The following CRB2 variants were observed in gnomAD, a reference collection of about 807,000 sequenced individuals.
CRB2 encodes the protein protein crumbs homolog 2.
CRB2 carries 85 observed loss-of-function variants against 110.9 expected under a neutral mutation model. The observed-to-expected ratio is 0.77, with a 90% CI of 0.64 to 0.92. The LOEUF (loss-of-function observed/expected upper bound fraction) is 0.92. Ranked by LOEUF, CRB2 falls within the 40% of genes least tolerant of loss-of-function variation. The pLI is 0.00. For synonymous variants in CRB2, 907 were observed against 831.0 expected (o/e 1.09, Z -1.57); for missense variants, 1,843 against 1,851.3 (o/e 1.00, Z 0.08).
chr9:123,355,797 T>C, upstream of CRB2, among the ~76,000 whole-genome samples: 1 of 148,102 alleles, frequency 6.8e-6, no homozygotes, highest in Admixed American at 6.7e-5. Flanking sequence ...GCGACTGGAC[T>C]CGAAGGCCTG....
chr9:123,378,549 G>C lies in CRB2; in HGVS notation c.*1487G>C, dbSNP rs2042141637. ...CAGACGCTGGGATAGAGAGGGCCCT[G>C]AACACCAGGCTCAGGGGCTTGCTTG... On this transcript the variant is annotated 3_prime_UTR_variant, in exon 13 of 13. Coordinates refer to ENST00000373631, the MANE Select transcript of CRB2 (RefSeq NM_173689.7). The C allele has an allele frequency of 6.6e-6, 1 of 152,282 alleles. No homozygotes were observed. Among genetic ancestry groups the C allele is most frequent in the Non-Finnish European group, 1.5e-5 (1 of 68,086 alleles). 9.4% of individuals were successfully genotyped at this position (152,282 alleles called of 1,614,324 possible).
chr9:123,366,944 C>CAAAA (rs3050063), intron 4 of CRB2, among the ~76,000 whole-genome samples: 1 of 133,974 alleles, frequency 7.5e-6, no homozygotes, highest in African/African-American at 2.8e-5. Flanking sequence ...GATTCTATCT[C>CAAAA]AAAAAAAAAA....
intron 2 of CRB2, among the ~76,000 whole-genome samples, chr9:123,364,823 T>C (rs984331567): frequency 2.0e-5 from 3 of 152,188 alleles, no homozygotes; most frequent in African/African-American, 7.2e-5. Flanking sequence ...GCTGTCGTGA[T>C]TCGCCCAGGA....
At position 123,375,771 on chromosome 9, in the gene CRB2, C is replaced by T. The variant is rs138417566; in HGVS notation, c.3633+428C>T. On this transcript the variant is annotated intron_variant, in intron 12 of 12. Transcript: ENST00000373631. ...CGGAGGGGCAGGGGGCCTGGGAGTC[C>T]GCACTGGAGCAGGCTCGGCCCGCTG... Among the ~76,000 whole-genome samples the T allele has an allele frequency of 1.7e-3, 262 of 151,590 alleles. 2 individuals carry two copies. The highest frequency in any genetic ancestry group is 5.6e-3 in the African/African-American group (231 of 41,304).
At position 123,377,021 on chromosome 9, in the gene CRB2, GAC is replaced by G. The variant is rs1311131247; in HGVS notation, c.3819_3820del (p.Asp1273GlufsTer76). On this transcript the variant is annotated frameshift_variant, in exon 13 of 13. Transcript: ENST00000373631. LOFTEE classifies it high-confidence loss of function. ...GGTGGCTGGGGCCCGGCTGGAGATG[GAC>G]AGTGTCCTCAAGGTGCCACCGGAGG... ...QEVAGARLEMDSVLKVPPEER... is the reference protein window; with the variant it reads ...QEVAGARLEMXSVLKVPPEER... 1.2e-6 allele frequency: 2 copies of G among 1,606,682 alleles called. No homozygotes were observed.
intron 8 of CRB2, 135 bp from the exon 9 acceptor site, chr9:123,372,042 G>A (rs528718156): frequency 1.1e-5 from 10 of 879,636 alleles, no homozygotes; most frequent in Admixed American, 1.0e-4. Context: ...GGATCTTAGC[G>A]ACTTCCTCTC....
At chr9:123,364,806 C>A (rs923639475) in intron 2 of CRB2, among the ~76,000 whole-genome samples, 1 of 152,176 alleles carries the variant, frequency 6.6e-6, no homozygotes, top group Non-Finnish European at 1.5e-5. Flanking sequence ...CCTGGGAGAG[C>A]CACTCAGCTG....
chr9:123,377,750 T>C lies in CRB2; in HGVS notation c.*688T>C, dbSNP rs767059849. The C allele has an allele frequency of 2.6e-5, 4 of 152,234 alleles. No homozygotes were observed. The highest frequency in any genetic ancestry group is 5.9e-5 in the Non-Finnish European group (4 of 68,070). 9.4% of individuals were successfully genotyped at this position (152,234 alleles called of 1,614,324 possible). ...GTCTGCCAGAAGCCAGAGCCAGTCA[T>C]GCGAGGGAACCACAGACCCACCCGC... On this transcript the variant is annotated 3_prime_UTR_variant, in exon 13 of 13. Transcript: ENST00000373631.
At chr9:123,359,452 T>TTTTTTTTTTTTTTTTTTTTTTTTTTG (rs1564367962) in intron 1 of CRB2, among the ~76,000 whole-genome samples, 1 of 132,566 alleles carries the variant, frequency 7.5e-6, no homozygotes, top group Non-Finnish European at 1.6e-5. Context: ...TTTTTTTTTT[T>TTTTTTTTTTTTTTTTTTTTTTTTTTG]TTTTTTTTTT....
rs762579858 is a variant in CRB2, at chr9:123,367,180, G to A, written c.763G>A (p.Gly255Ser). 1.4e-5 allele frequency: 22 copies of A among 1,591,434 alleles called. No homozygotes were observed. The highest frequency in any genetic ancestry group is 1.8e-5 in the Non-Finnish European group (21 of 1,174,288). Residue 255 changes from glycine to serine, a missense_variant, in exon 5 of 13, where the codon GGC becomes AGC. Transcript: ENST00000373631. The stretch of plus-strand genomic sequence containing the variant: ...CGTGTGTGTGCCCCCAGGCTACAGC[G>A]GCGAGCTGTGCGAGGTGGACGAGGA... ...FRCLCWPGYS[G>S]ELCEVDEDEC...
chr9:123,368,743 A>G, intron 6 of CRB2: 2 of 1,107,372 alleles, frequency 1.8e-6, no homozygotes, highest in Non-Finnish European at 2.2e-6. Context: ...CCCTCCCTTT[A>G]GGCCATGCTG....
chr9:123,366,194 G>T (rs769285572), intron 3 of CRB2, 33 bp from the exon 4 acceptor site: 1 of 1,390,758 alleles, frequency 7.2e-7, no homozygotes, highest in South Asian at 1.6e-5. Context: ...AGGGGCAGGC[G>T]CGCGCTCAGC....
chr9:123,360,320 G>T (rs113844109), intron 1 of CRB2, among the ~76,000 whole-genome samples: 1 of 152,088 alleles, frequency 6.6e-6, no homozygotes, highest in East Asian at 1.9e-4. Context: ...CTGCCAGGTC[G>T]GCCCAGGCAG....
At position 123,372,259 on chromosome 9, in the gene CRB2, C is replaced by T; in HGVS notation, c.2519C>T (p.Pro840Leu). 6.2e-7 allele frequency: 1 copy of T among 1,614,020 alleles called. No individual in the cohort carries two copies. The highest frequency in any genetic ancestry group is 8.5e-7 in the Non-Finnish European group (1 of 1,179,952). ...HCTCPANFTG[P>L]TCAQQLWCPG... ...ACCTGCCCTGCCAATTTCACGGGGCCTACGTGTGCCCAGCAGCTGTGGTGT... is the reference window on the plus strand; with the variant it reads ...ACCTGCCCTGCCAATTTCACGGGGCTTACGTGTGCCCAGCAGCTGTGGTGT... The change falls in exon 9 of 13, where the codon CCT becomes CTT. Residue 840 changes from proline to leucine, a missense_variant. By Grantham distance (98) the Pro-to-Leu change is moderately conservative. Transcript: ENST00000373631.
Position 123,373,699 on chromosome 9 carries a change from CGCGCCCGTGTGT to C in CRB2, c.3175_3186del (p.Val1059_Pro1062del), listed in dbSNP as rs1167546199. ...CGGCCCCGATCCTCGGCTGCCGCGG[CGCGCCCGTGTGT>C]GCGCCCTCGCCCTGTCTGCACGACG... On this transcript the variant is annotated inframe_deletion, in exon 10 of 13. Coordinates refer to ENST00000373631, the MANE Select transcript of CRB2 (RefSeq NM_173689.7). 3 of 1,492,190 alleles carry C rather than the reference CGCGCCCGTGTGT, an allele frequency of 2.0e-6. No individual in the cohort carries two copies. Among genetic ancestry groups the C allele is most frequent in the Non-Finnish European group, 2.6e-6 (3 of 1,132,628 alleles). The allele number at this position is 1,492,190 out of a possible 1,614,324, so 92.4% of individuals were successfully genotyped here.
chr9:123,360,756 G>A (rs899660813), intron 1 of CRB2, among the ~76,000 whole-genome samples: 3 of 152,148 alleles, frequency 2.0e-5, no homozygotes, highest in African/African-American at 7.2e-5. Context: ...AGGCTGCTTC[G>A]AGTCTCCCTT....
Position 123,373,396 on chromosome 9 carries a change from C to T in CRB2, c.2865C>T (p.Ala955=). The T allele has an allele frequency of 6.9e-7, 1 of 1,443,458 alleles. No individual in the cohort carries two copies. The highest frequency in any genetic ancestry group is 9.1e-7 in the Non-Finnish European group (1 of 1,104,540). The allele number at this position is 1,443,458 out of a possible 1,614,324, so 89.4% of individuals were successfully genotyped here. ...PIPGPRVADG[A]WHRVRLAMER... is the part of the protein sequence containing the mutation. Reference sequence around the variant, plus strand: ...CGGGGCCGCGCGTGGCCGATGGTGCCTGGCACCGCGTGCGTCTGGCCATGG... The same window carrying T: ...CGGGGCCGCGCGTGGCCGATGGTGCTTGGCACCGCGTGCGTCTGGCCATGG... Residue 955 remains alanine (A), a synonymous_variant, in exon 10 of 13, where the codon GCC becomes GCT. Transcript: ENST00000373631.
intron 6 of CRB2, chr9:123,368,824 C>G: frequency 8.1e-7 from 1 of 1,237,362 alleles, no homozygotes; most frequent in Admixed American, 2.6e-5. Flanking sequence ...AGGCAGGGAG[C>G]TCTGCCTCCT....
Position 123,377,104 on chromosome 9 carries a change from G to C in CRB2, c.*42G>C. Reference sequence around the variant, plus strand: ...GCACCAGCACCTGGAGGTCCTGAATGGTTTCTACCTGGAGACCCAAGGAAG... The same window carrying C: ...GCACCAGCACCTGGAGGTCCTGAATCGTTTCTACCTGGAGACCCAAGGAAG... On this transcript the variant is annotated 3_prime_UTR_variant, in exon 13 of 13. Coordinates refer to ENST00000373631, the MANE Select transcript of CRB2 (RefSeq NM_173689.7). 4 of 1,468,512 alleles carry C rather than the reference G, an allele frequency of 2.7e-6. No homozygotes were observed. The highest frequency in any genetic ancestry group is 2.7e-6 in the Non-Finnish European group (3 of 1,101,768). The allele number at this position is 1,468,512 out of a possible 1,614,324, so 91.0% of individuals were successfully genotyped here.
Sources: gnomAD v4.1 joint callset for allele counts (sites outside exome capture counted in the v4.1 genomes callset) on GRCh38, gnomAD v4.1.1 for gene constraint, MANE v1.5 for transcripts, NCBI Gene and HGNC (gene_info 2026-07-23, HGNC 2026-07-21) for gene names.